PHLDB2: variants seen among roughly 807,000 people sequenced by gnomAD.
The protein encoded by PHLDB2 is pleckstrin homology like domain family B member 2, also known as pleckstrin homology-like domain family B member 2.
PHLDB2 carries 71 observed loss-of-function variants against 123.6 expected under a neutral mutation model. The ratio of observed to expected loss-of-function variants is 0.57; its 90% CI spans 0.47 to 0.70. The LOEUF (loss-of-function observed/expected upper bound fraction) is 0.70. Ranked by LOEUF, PHLDB2 falls within the 30% of genes least tolerant of loss-of-function variation. The probability of loss-of-function intolerance (pLI) is 0.00; values close to 1 mark genes in which losing one functional copy is unlikely to be tolerated. For synonymous variants in PHLDB2, 547 were observed against 541.6 expected (o/e 1.01, Z -0.14); for missense variants, 1,446 against 1,519.5 (o/e 0.95, Z 0.80).
chr3:111,922,138 T>C (rs2068553173), intron 5 of PHLDB2, among the ~76,000 whole-genome samples: 1 of 152,222 alleles, frequency 6.6e-6, no homozygotes, highest in Non-Finnish European at 1.5e-5. Context: ...GCTATGTATA[T>C]CATATTGGAA....
intron 1 of PHLDB2, among the ~76,000 whole-genome samples, chr3:111,779,310 T>C (rs2060325441): frequency 6.6e-6 from 1 of 152,016 alleles, no homozygotes; most frequent in African/African-American, 2.4e-5. Context: ...TGCAAGGATA[T>C]ATTGTGTGAT....
Position 111,885,220 on chromosome 3 carries a change from G to A in PHLDB2, c.1143G>A (p.Arg381=). ...GESDRVFATR[R]NFSCGSVEFD... The stretch of plus-strand genomic sequence containing the variant: ...CAGACAGAGTTTTTGCGACCAGGAG[G>A]AACTTCTCTTGTGGATCTGTGGAAT... Residue 381 remains arginine, a synonymous_variant, in exon 2 of 18, where the codon AGG becomes AGA. Transcript: ENST00000431670. The A allele has an allele frequency of 6.2e-7, 1 of 1,614,124 alleles. No homozygotes were observed. Among genetic ancestry groups the A allele is most frequent in the Non-Finnish European group, 8.5e-7 (1 of 1,180,018 alleles).
At position 111,885,530 on chromosome 3, in the gene PHLDB2, A is replaced by G. The variant is rs562803042; in HGVS notation, c.1335+118A>G. 649 of 1,274,680 alleles carry G rather than the reference A, an allele frequency of 5.1e-4. 2 individuals are homozygous for G. Among genetic ancestry groups the G allele is most frequent in the South Asian group, 4.6e-3 (382 of 82,830 alleles). 79.0% of individuals were successfully genotyped at this position (1,274,680 alleles called of 1,614,324 possible). A position where few individuals can be genotyped will look rare whatever the true frequency, so the allele number is the denominator to read the frequency against. ...TATAGGATATTCATGTTCACTAGCC[A>G]CAGCTGCTATCTTTCTCTTCTCTCC... On this transcript the variant is annotated intron_variant, in intron 2 of 17. Coordinates refer to ENST00000431670, the MANE Select transcript of PHLDB2 (RefSeq NM_001134438.2).
Position 111,884,887 on chromosome 3 carries a change from C to G in PHLDB2, c.810C>G (p.Leu270=). The G allele has an allele frequency of 6.2e-7, 1 of 1,614,170 alleles. No homozygotes were observed. The highest frequency in any genetic ancestry group is 8.5e-7 in the Non-Finnish European group (1 of 1,180,024). Residue 270 remains leucine (L), a synonymous_variant, in exon 2 of 18, where the codon CTC becomes CTG. Transcript: ENST00000431670. ...YRATENQLTP[L]SLPPRNSLGN... ...CCACAGAGAACCAGCTGACACCTCT[C>G]AGCTTGCCTCCAAGAAACTCTCTGG... is the stretch of plus-strand genomic sequence containing the variant.
intron 1 of PHLDB2, among the ~76,000 whole-genome samples, chr3:111,862,746 A>G (rs1466824916): frequency 4.6e-5 from 7 of 152,302 alleles, no homozygotes; most frequent in East Asian, 1.9e-4. Flanking sequence ...GAGTCTTAAT[A>G]TACCATAGAG....
At chr3:111,829,679 G>C (rs1202810501) in intron 1 of PHLDB2, among the ~76,000 whole-genome samples, 1 of 151,826 alleles carries the variant, frequency 6.6e-6, no homozygotes, top group African/African-American at 2.4e-5. Flanking sequence ...GGTCAGGGTG[G>C]TCTCGAACTC....
chr3:111,924,909 ACCT>A (rs1386892340), intron 5 of PHLDB2, among the ~76,000 whole-genome samples: 1 of 151,894 alleles, frequency 6.6e-6, no homozygotes, highest in Non-Finnish European at 1.5e-5. Context: ...GCTCAGTGCA[ACCT>A]CCTCTTCCCA....
chr3:111,866,014 ATTTT>A lies in PHLDB2; in HGVS notation c.-15+6459_-15+6462del, dbSNP rs61038523. The stretch of plus-strand genomic sequence containing the variant: ...TTTTAGAAACCTACCCCACCCACTC[ATTTT>A]TTTTTTTTTTTTTTTTTTTTGGAGA... On this transcript the variant is annotated intron_variant, in intron 1 of 17. Coordinates refer to ENST00000431670, the MANE Select transcript of PHLDB2 (RefSeq NM_001134438.2). 1.7e-3 allele frequency among the ~76,000 whole-genome samples: 99 copies of A among 57,420 alleles called. 2 individuals are homozygous for A. The highest frequency in any genetic ancestry group is 6.8e-3 in the East Asian group (8 of 1,170). The allele number at this position is 57,420 out of a possible 152,430, so 37.7% of individuals were successfully genotyped here. A position where few individuals can be genotyped will look rare whatever the true frequency, so the allele number is the denominator to read the frequency against.
intron 1 of PHLDB2, among the ~76,000 whole-genome samples, chr3:111,785,322 C>T (rs923048909): frequency 1.3e-5 from 2 of 151,912 alleles, no homozygotes; most frequent in African/African-American, 4.8e-5. Context: ...TCTGTTAACC[C>T]CTACATGTAT....
chr3:111,791,457 A>G (rs1237956542), intron 1 of PHLDB2, among the ~76,000 whole-genome samples: 1 of 152,224 alleles, frequency 6.6e-6, no homozygotes, highest in Non-Finnish European at 1.5e-5. Flanking sequence ...ATCTTTGTTG[A>G]GGCAGCATTG....
intron 14 of PHLDB2, among the ~76,000 whole-genome samples, chr3:111,967,449 A>G (rs1019114959): frequency 2.6e-5 from 4 of 152,214 alleles, no homozygotes; most frequent in African/African-American, 9.7e-5. Context: ...TTCACTGAAG[A>G]CCACAATTTA....
intron 15 of PHLDB2, 151 bp downstream of exon 15, chr3:111,967,975 C>CA (rs58918022): frequency 0.047 from 3,089 of 66,058 alleles, 120 homozygotes; most frequent in African/African-American, 0.06. Flanking sequence ...CATTCCTGTG[C>CA]AAAAAAAAAA....
chr3:111,951,730 T>G (rs2070730731), intron 10 of PHLDB2, among the ~76,000 whole-genome samples: 2 of 151,796 alleles, frequency 1.3e-5, no homozygotes, highest in African/African-American at 4.9e-5. Flanking sequence ...CAGCAAAAAT[T>G]TTTTTGAGCT....
intron 1 of PHLDB2, among the ~76,000 whole-genome samples, chr3:111,759,896 G>T (rs1376471861): frequency 6.6e-6 from 1 of 152,150 alleles, no homozygotes; most frequent in African/African-American, 2.4e-5. Context: ...AATATTGTTG[G>T]TTCATAATAG....
At chr3:111,840,950 A>G (rs1475267741) in intron 1 of PHLDB2, among the ~76,000 whole-genome samples, 2 of 152,222 alleles carry the variant, frequency 1.3e-5, no homozygotes, top group Non-Finnish European at 2.9e-5. Context: ...GCAGGCAGAT[A>G]GTCCCCAATA....
rs138111559 is a variant in PHLDB2 at position 111,751,453 on chromosome 3, C to T, written c.-49+18750C>T. Among the ~76,000 whole-genome samples, 1,144 of 152,138 alleles carry T rather than the reference C, an allele frequency of 7.5e-3. 6 individuals are homozygous for T. Among genetic ancestry groups the T allele is most frequent in the Middle Eastern group, 0.014 (4 of 294 alleles). On this transcript the variant is annotated intron_variant, in intron 1 of 17. Coordinates refer to the PHLDB2 transcript ENST00000393923. ...AAAACCTCTCCTTAGAAACACAGCCCGTGAATCTTAAAGTCAATTGTGGAT... is the reference window on the plus strand; with the variant it reads ...AAAACCTCTCCTTAGAAACACAGCCTGTGAATCTTAAAGTCAATTGTGGAT...
intron 1 of PHLDB2, among the ~76,000 whole-genome samples, chr3:111,766,580 T>C (rs182977903): frequency 7.9e-5 from 12 of 152,332 alleles, no homozygotes; most frequent in Admixed American, 4.6e-4. Context: ...CCTGCTTGGA[T>C]AGTGCTTACC....
At chr3:111,956,206 A>C (rs1238947806) in intron 12 of PHLDB2, among the ~76,000 whole-genome samples, 1 of 152,214 alleles carries the variant, frequency 6.6e-6, no homozygotes, top group East Asian at 1.9e-4. Flanking sequence ...AAAATAAATT[A>C]ATAAATAAAA....
intron 16 of PHLDB2, among the ~76,000 whole-genome samples, chr3:111,970,287 A>C (rs2072079790): frequency 6.6e-6 from 1 of 152,062 alleles, no homozygotes; most frequent in South Asian, 2.1e-4. Context: ...ACTGTATTTT[A>C]TGAAACATCA....
Sources: allele counts gnomAD v4.1 joint callset (sites outside exome capture counted in the v4.1 genomes callset), GRCh38; gene constraint gnomAD v4.1.1; transcripts MANE v1.5; gene names NCBI Gene and HGNC (gene_info 2026-07-23, HGNC 2026-07-21).